The following CHN2 variants were observed in gnomAD, a reference collection of about 807,000 sequenced individuals.
CHN2 encodes chimerin 2.
In CHN2, 35 loss-of-function variants were observed where a neutral mutation model predicts 56.3. The observed-to-expected ratio is 0.62, with a 90% CI of 0.47 to 0.82. CHN2 has a LOEUF of 0.82. Ranked by LOEUF, CHN2 falls within the 40% of genes least tolerant of loss-of-function variation. CHN2 has a pLI of 0.00. For synonymous variants in CHN2, 210 were observed against 212.8 expected (o/e 0.99, Z 0.12); for missense variants, 491 against 580.5 (o/e 0.85, Z 1.58).
In CHN2 at chr7:29,436,214, TG is replaced by T. The variant is rs140470390; in HGVS notation, c.576+35387del. The stretch of plus-strand genomic sequence containing the variant: ...GGGACTGGGCTGGGGTTCAAGATTC[TG>T]CATCTCTCAGCAGCTCCCAGGGATG... On this transcript the variant is annotated intron_variant, in intron 6 of 12. Transcript: ENST00000222792. 9.3e-3 allele frequency among the ~76,000 whole-genome samples: 1,418 copies of T among 152,222 alleles called. 26 individuals carry two copies. The highest frequency in any genetic ancestry group is 0.033 in the African/African-American group (1,358 of 41,538).
intron 1 of CHN2, among the ~76,000 whole-genome samples, chr7:29,306,274 G>A (rs1299760876): frequency 6.6e-6 from 1 of 152,166 alleles, no homozygotes; most frequent in Non-Finnish European, 1.5e-5. Context: ...AGTTTCCTGG[G>A]AGGATATCTG....
At chr7:29,277,946 C>T (rs1791367774) in intron 1 of CHN2, among the ~76,000 whole-genome samples, 1 of 152,186 alleles carries the variant, frequency 6.6e-6, no homozygotes, top group African/African-American at 2.4e-5. Flanking sequence ...GTTATTATCC[C>T]CATTTTACAG....
intron 12 of CHN2, 122 bp from the exon 13 acceptor site, chr7:29,512,442 C>T (rs1791588103): frequency 1.2e-6 from 1 of 843,364 alleles, no homozygotes; most frequent in Non-Finnish European, 1.8e-6. Flanking sequence ...TGTTCTGATT[C>T]CCAATCTTTT....
chr7:29,242,585 T>C (rs963328986), intron 1 of CHN2, among the ~76,000 whole-genome samples: 1 of 151,930 alleles, frequency 6.6e-6, no homozygotes, highest in South Asian at 2.1e-4. Context: ...AGGCTCTAAA[T>C]AGAATACCAT....
chr7:29,182,929 C>A (rs972849451), intron 2 of CHN2, among the ~76,000 whole-genome samples: 3 of 152,120 alleles, frequency 2.0e-5, no homozygotes, highest in African/African-American at 7.2e-5. Context: ...AAGATAAACA[C>A]TCAGCTGGAT....
rs145256460 is a variant in CHN2 at position 29,290,687 on chromosome 7, A to G, written c.50-63938A>G. 7.6e-3 allele frequency among the ~76,000 whole-genome samples: 1,163 copies of G among 152,318 alleles called. 12 individuals carry two copies. The highest frequency in any genetic ancestry group is 0.027 in the African/African-American group (1,105 of 41,558). On this transcript the variant is annotated intron_variant, in intron 1 of 12. Transcript: ENST00000222792. Reference sequence around the variant, plus strand: ...GACAAATTAGAACAAAGTATAGATAAGCAAAATGGATGACCTGCCTGCAAA... The same window carrying G: ...GACAAATTAGAACAAAGTATAGATAGGCAAAATGGATGACCTGCCTGCAAA...
chr7:29,268,259 G>A (rs1252742572), intron 1 of CHN2, among the ~76,000 whole-genome samples: 2 of 132,624 alleles, frequency 1.5e-5, no homozygotes, highest in African/African-American at 5.7e-5. Flanking sequence ...TTTAAAAAAT[G>A]TCCTTCATCC....
At chr7:29,384,786 G>A (rs916871521) in intron 3 of CHN2, among the ~76,000 whole-genome samples, 4 of 152,202 alleles carry the variant, frequency 2.6e-5, no homozygotes, top group African/African-American at 7.2e-5. Flanking sequence ...GTACTGGACA[G>A]CCATTAGACA....
Position 29,228,732 on chromosome 7 carries a change from G to T in CHN2, c.49+33742G>T, listed in dbSNP as rs148455425. Among the ~76,000 whole-genome samples the T allele has an allele frequency of 6.7e-3, 1,025 of 152,334 alleles. 10 individuals are homozygous for T. Among genetic ancestry groups the T allele is most frequent in the African/African-American group, 0.023 (969 of 41,574 alleles). Reference sequence around the variant, plus strand: ...GGGAAATAAATACATCAAGGGCAGAGAATTTGATGTGATCAAAGTCCAAGG... The same window carrying T: ...GGGAAATAAATACATCAAGGGCAGATAATTTGATGTGATCAAAGTCCAAGG... On this transcript the variant is annotated intron_variant, in intron 1 of 12. Coordinates refer to ENST00000222792, the MANE Select transcript of CHN2 (RefSeq NM_004067.4).
At chr7:29,183,807 T>C (rs1420552700) in intron 2 of CHN2, among the ~76,000 whole-genome samples, 1 of 152,184 alleles carries the variant, frequency 6.6e-6, no homozygotes, top group Non-Finnish European at 1.5e-5. Context: ...GAGATACATA[T>C]GCAGTCAGCT....
intron 1 of CHN2, among the ~76,000 whole-genome samples, chr7:29,274,545 C>T (rs1791020814): frequency 6.6e-6 from 1 of 152,164 alleles, no homozygotes; most frequent in Non-Finnish European, 1.5e-5. Flanking sequence ...AAGACAGTGG[C>T]TGAGCGGTGG....
In CHN2 at chr7:29,278,670, G is replaced by A. The variant is rs144431455; in HGVS notation, c.50-75955G>A. On this transcript the variant is annotated intron_variant, in intron 1 of 12. Coordinates refer to ENST00000222792, the MANE Select transcript of CHN2 (RefSeq NM_004067.4). ...CCTTGCTGCAGGCTCCACAGGGTTG[G>A]CCCAGTTTCTGTGACTGAACTTCTA... is the stretch of plus-strand genomic sequence containing the variant. Among the ~76,000 whole-genome samples the A allele has an allele frequency of 3.7e-3, 570 of 152,266 alleles. 3 individuals are homozygous for A. Among genetic ancestry groups the A allele is most frequent in the African/African-American group, 0.013 (539 of 41,548 alleles).
At position 29,327,110 on chromosome 7, in the gene CHN2, G is replaced by A. The variant is rs531407190; in HGVS notation, c.50-27515G>A. Among the ~76,000 whole-genome samples the A allele has an allele frequency of 2.2e-4, 33 of 152,306 alleles. 1 individual carries two copies. The highest frequency in any genetic ancestry group is 4.1e-4 in the Non-Finnish European group (28 of 68,018). On this transcript the variant is annotated intron_variant, in intron 1 of 12. Transcript: ENST00000222792. ...AAGTCAGGGATGAGGAAGCTGGAAA[G>A]CAAAGCCAACAGGAAGGGAAGCACC...
intron 1 of CHN2, among the ~76,000 whole-genome samples, chr7:29,234,699 C>T (rs985640549): frequency 1.3e-5 from 2 of 152,220 alleles, no homozygotes; most frequent in African/African-American, 4.8e-5. Flanking sequence ...TTCCATTTCT[C>T]ATCTACTGTG....
At chr7:29,351,468 A>T (rs1344014377) in intron 1 of CHN2, among the ~76,000 whole-genome samples, 3 of 152,202 alleles carry the variant, frequency 2.0e-5, no homozygotes, top group African/African-American at 7.2e-5. Flanking sequence ...ATCAATAAAT[A>T]ATTTCAGAGG....
At chr7:29,173,774 CAAAAAAA>C in intron 2 of CHN2, among the ~76,000 whole-genome samples, 1 of 120,252 alleles carries the variant, frequency 8.3e-6, no homozygotes. Context: ...CTGTCTCTAC[CAAAAAAA>C]AAAAAAAAAA....
chr7:29,418,071 G>A (rs1220546214), intron 6 of CHN2, among the ~76,000 whole-genome samples: 1 of 152,214 alleles, frequency 6.6e-6, no homozygotes, highest in African/African-American at 2.4e-5. Flanking sequence ...AGAGATGAAG[G>A]ATTGCTGGAG....
chr7:29,367,148 AG>A (rs1799229114), intron 2 of CHN2, among the ~76,000 whole-genome samples: 1 of 152,144 alleles, frequency 6.6e-6, no homozygotes, highest in African/African-American at 2.4e-5. Flanking sequence ...TCCCTTTAGC[AG>A]AAATAAACAG....
chr7:29,459,526 C>G (rs759184368), intron 6 of CHN2, among the ~76,000 whole-genome samples: 33 of 152,172 alleles, frequency 2.2e-4, no homozygotes, highest in Non-Finnish European at 4.6e-4. Context: ...AGGTGGAGAG[C>G]CCACAGTTGC....
Sources: gnomAD v4.1 joint callset for allele counts (sites outside exome capture counted in the v4.1 genomes callset) on GRCh38, gnomAD v4.1.1 for gene constraint, MANE v1.5 for transcripts, NCBI Gene and HGNC (gene_info 2026-07-23, HGNC 2026-07-21) for gene names.